The following DOCK1 variants were observed in gnomAD, a reference collection of about 807,000 sequenced individuals.
DOCK1 encodes the protein dedicator of cytokinesis 1.
In DOCK1, 138 loss-of-function variants were observed where a neutral mutation model predicts 262.7. That is an observed-to-expected ratio of 0.53 (90% CI 0.46 to 0.61). DOCK1 has a LOEUF of 0.61. Among genes scored for constraint, DOCK1 ranks in the 20% least tolerant of loss-of-function variants. DOCK1 has a pLI of 0.00. For missense variants in DOCK1, 1,908 were observed against 2,370.7 expected (o/e 0.80, Z 4.05); for synonymous variants, 866 against 867.4 (o/e 1.00, Z 0.03).
chr10:127,129,958 C>T (rs897265891), intron 27 of DOCK1, among the ~76,000 whole-genome samples: 3 of 151,532 alleles, frequency 2.0e-5, no homozygotes, highest in African/African-American at 7.3e-5. Flanking sequence ...CCTCTCTCTC[C>T]GATTAGGAGG....
intron 20 of DOCK1, 140 bp downstream of exon 20, chr10:127,042,854 G>T: frequency 1.0e-6 from 1 of 959,180 alleles, no homozygotes. Flanking sequence ...ATGAATTGGG[G>T]TGGCAGATTT....
intron 27 of DOCK1, among the ~76,000 whole-genome samples, chr10:127,151,841 A>G (rs909585969): frequency 1.3e-5 from 2 of 152,148 alleles, no homozygotes; most frequent in African/African-American, 4.8e-5. Flanking sequence ...ATGTAGAGTG[A>G]TGTTTGAGCC....
At position 126,996,992 on chromosome 10, in the gene DOCK1, G is replaced by A. The variant is rs957206305; in HGVS notation, c.609+109G>A. On this transcript the variant is annotated intron_variant, in intron 7 of 51. Transcript: ENST00000623213. Reference sequence around the variant, plus strand: ...TTGTCACTAAGAAAGAACCTGAAAAGGAGTAGCTGCAGAGTTTGTGTCCTA... The same window carrying A: ...TTGTCACTAAGAAAGAACCTGAAAAAGAGTAGCTGCAGAGTTTGTGTCCTA... 69 of 1,259,246 alleles carry A rather than the reference G, an allele frequency of 5.5e-5. 2 individuals are homozygous for A. The South Asian group carries it at 6.2e-4, about 11-fold the overall frequency. The allele number at this position is 1,259,246 out of a possible 1,614,324, so 78.0% of individuals were successfully genotyped here.
chr10:127,078,677 A>G (rs959583009), intron 23 of DOCK1, among the ~76,000 whole-genome samples: 9 of 152,232 alleles, frequency 5.9e-5, no homozygotes, highest in African/African-American at 2.2e-4. Flanking sequence ...TCACAATTAC[A>G]AAAATTGTGG....
intron 1 of DOCK1, among the ~76,000 whole-genome samples, chr10:126,939,042 TG>T (rs2034782487): frequency 2.7e-5 from 1 of 37,226 alleles, no homozygotes; most frequent in Admixed American, 4.4e-4. Flanking sequence ...ATGAACACGG[TG>T]GGGGGATGAA....
At position 127,153,751 on chromosome 10, in the gene DOCK1, T is replaced by G. The variant is rs533085220; in HGVS notation, c.2847+25987T>G. ...GTAAGGTCCTTCACTTTTTGTCTGA[T>G]AGAATCATCCCAGCATGGCCCCAGA... On this transcript the variant is annotated intron_variant, in intron 27 of 51. Transcript: ENST00000623213. The G allele has an allele frequency of 5.0e-5, 45 of 904,856 alleles. 1 individual carries two copies. The Middle Eastern group carries it at 1.2e-3, about 24-fold the overall frequency. 56.1% of individuals were successfully genotyped at this position (904,856 alleles called of 1,614,324 possible).
At chr10:127,422,529 C>A (rs1297170029) in intron 46 of DOCK1, among the ~76,000 whole-genome samples, 1 of 151,912 alleles carries the variant, frequency 6.6e-6, no homozygotes, top group Non-Finnish European at 1.5e-5. Flanking sequence ...TATATATAAA[C>A]AAAAATTATA....
At chr10:127,398,759 G>A (rs1487353913) in intron 38 of DOCK1, among the ~76,000 whole-genome samples, 1 of 152,186 alleles carries the variant, frequency 6.6e-6, no homozygotes, top group Non-Finnish European at 1.5e-5. Context: ...CAGTATCCTG[G>A]TGAGTCATCG....
intron 23 of DOCK1, among the ~76,000 whole-genome samples, chr10:127,090,781 T>G (rs1331172294): frequency 6.6e-6 from 1 of 152,210 alleles, no homozygotes; most frequent in Non-Finnish European, 1.5e-5. Context: ...TGGCTTCTTT[T>G]ACTTAGTATA....
intron 29 of DOCK1, among the ~76,000 whole-genome samples, chr10:127,303,702 T>A (rs550998795): frequency 2.0e-5 from 3 of 146,594 alleles, no homozygotes; most frequent in East Asian, 4.0e-4. Context: ...CTACAAAAAA[T>A]TTTTAAAAAT....
At chr10:127,339,357 A>G (rs968809427) in intron 30 of DOCK1, among the ~76,000 whole-genome samples, 7 of 152,142 alleles carry the variant, frequency 4.6e-5, no homozygotes, top group Admixed American at 4.6e-4. Flanking sequence ...TCAAGCAGGG[A>G]GGCCACCAAG....
chr10:127,111,338 GA>G (rs1000155488), intron 25 of DOCK1, among the ~76,000 whole-genome samples: 27 of 152,214 alleles, frequency 1.8e-4, no homozygotes, highest in African/African-American at 6.3e-4. Context: ...TTCTTCTCTA[GA>G]AAAAAACACA....
In DOCK1 at chr10:127,021,078, A is replaced by G. The variant is rs182978448; in HGVS notation, c.1328-2122A>G. ...CTGTAACCTGGGGAGGCATTTGATG[A>G]GGGTCTATGGTGAATGCCCATTTGT... On this transcript the variant is annotated intron_variant, in intron 13 of 51. Coordinates refer to ENST00000623213, the MANE Select transcript of DOCK1 (RefSeq NM_001290223.2). Among the ~76,000 whole-genome samples, 496 of 152,216 alleles carry G rather than the reference A, an allele frequency of 3.3e-3. 1 individual carries two copies. The highest frequency in any genetic ancestry group is 3.3e-3 in the Non-Finnish European group (222 of 68,026).
intron 27 of DOCK1, chr10:127,146,147 T>C (rs771045528): frequency 2.2e-6 from 1 of 457,074 alleles, no homozygotes; most frequent in South Asian, 1.7e-5. Context: ...ACTGACAGCG[T>C]AGTCCCCTCA....
intron 27 of DOCK1, among the ~76,000 whole-genome samples, chr10:127,184,771 A>G (rs893852405): frequency 1.8e-4 from 27 of 152,126 alleles, no homozygotes. Flanking sequence ...ATTTTCCAGG[A>G]CCGCGCCCTG....
chr10:127,182,185 T>C (rs1224171144), intron 27 of DOCK1, among the ~76,000 whole-genome samples: 1 of 152,010 alleles, frequency 6.6e-6, no homozygotes, highest in Non-Finnish European at 1.5e-5. Flanking sequence ...GACCACCTAG[T>C]CCAAAGCAGG....
chr10:127,352,824 C>T (rs1198857637), intron 31 of DOCK1, among the ~76,000 whole-genome samples: 1 of 152,142 alleles, frequency 6.6e-6, no homozygotes, highest in Non-Finnish European at 1.5e-5. Context: ...ACTTCCTGAC[C>T]TCAGGTGATC....
rs567558956 is a variant in DOCK1, at chr10:127,148,953, G to T, written c.2847+21189G>T. 1.3e-3 allele frequency among the ~76,000 whole-genome samples: 191 copies of T among 152,236 alleles called. 1 individual carries two copies. Among genetic ancestry groups the T allele is most frequent in the African/African-American group, 4.4e-3 (182 of 41,552 alleles). On this transcript the variant is annotated intron_variant, in intron 27 of 51. Coordinates refer to ENST00000623213, the MANE Select transcript of DOCK1 (RefSeq NM_001290223.2). ...AGCTGTGTCAACCATCTCAAAATTT[G>T]TCAGAAAGATCACGTTTGGTACTTG...
intron 27 of DOCK1, among the ~76,000 whole-genome samples, chr10:127,168,971 GTCTC>G (rs1373717928): frequency 6.6e-6 from 1 of 152,270 alleles, no homozygotes; most frequent in East Asian, 1.9e-4. Context: ...CCCCTGACAG[GTCTC>G]TCTGATTCTG....
Sources: allele counts gnomAD v4.1 joint callset (sites outside exome capture counted in the v4.1 genomes callset), GRCh38; gene constraint gnomAD v4.1.1; transcripts MANE v1.5; gene names NCBI Gene and HGNC (gene_info 2026-07-23, HGNC 2026-07-21).